Variants in IL6ST observed in about 807,000 individuals in gnomAD.
The protein encoded by IL6ST is interleukin-6 receptor subunit beta.
A neutral mutation model predicts 91.3 loss-of-function variants in IL6ST; 24 were observed. The observed-to-expected ratio is 0.26, with a 90% CI of 0.19 to 0.37. The LOEUF (loss-of-function observed/expected upper bound fraction) is 0.37, where lower values mean the gene tolerates loss of function less well. Among genes scored for constraint, IL6ST ranks in the 10% least tolerant of loss-of-function variants. IL6ST has a pLI of 1.00. For missense variants in IL6ST, 914 were observed against 1,078.5 expected, an observed-to-expected ratio of 0.85 and a Z score of 2.14; for synonymous variants, 351 against 373.6, an observed-to-expected ratio of 0.94 and a Z score of 0.70.
Position 55,938,509 on chromosome 5 carries a change from G to A in IL6ST, c.*2573C>T. 1 of 198,800 alleles carries A rather than the reference G, an allele frequency of 5.0e-6. No homozygotes were observed. The highest frequency in any genetic ancestry group is 1.0e-5 in the Non-Finnish European group (1 of 96,146). The allele number at this position is 198,800 out of a possible 1,614,324, so 12.3% of individuals were successfully genotyped here. A position where few individuals can be genotyped will look rare whatever the true frequency, so the allele number is the denominator to read the frequency against. ...TCATTATTTTATAACCCTAAAGGGA[G>A]CAACTGCAGGTGCAGAAGCAGTGAG... On this transcript the variant is annotated 3_prime_UTR_variant, in exon 17 of 17. Transcript: ENST00000381298.
chr5:55,993,027 C>A (rs1464122220), intron 1 of IL6ST, among the ~76,000 whole-genome samples: 1 of 152,188 alleles, frequency 6.6e-6, no homozygotes, highest in South Asian at 2.1e-4. Flanking sequence ...CAATAGGAAC[C>A]TCAACTCTGA....
intron 8 of IL6ST, among the ~76,000 whole-genome samples, chr5:55,959,220 C>T (rs182714772): frequency 3.5e-3 from 537 of 152,278 alleles, no homozygotes; most frequent in Non-Finnish European, 6.2e-3. Context: ...TTTAAGAATT[C>T]CTGGTCAAGA....
chr5:55,986,322 A>G (rs1033734435), intron 1 of IL6ST, among the ~76,000 whole-genome samples: 3 of 152,238 alleles, frequency 2.0e-5, no homozygotes, highest in Admixed American at 2.0e-4. Flanking sequence ...CCCTTTTATC[A>G]TTAGGAAATG....
At chr5:55,951,379 T>C in intron 14 of IL6ST, 85 bp downstream of exon 14, 1 of 1,049,254 alleles carries the variant, frequency 9.5e-7, no homozygotes, top group East Asian at 2.4e-5. Flanking sequence ...AGATGTACTT[T>C]TTAACACAAT....
At chr5:55,954,507 T>A (rs1257020072) in intron 11 of IL6ST, among the ~76,000 whole-genome samples, 1 of 152,240 alleles carries the variant, frequency 6.6e-6, no homozygotes, top group East Asian at 1.9e-4. Context: ...AACATATAAC[T>A]AATCAGCAGC....
rs1752868580 is a variant in IL6ST at position 55,969,965 on chromosome 5, C to T, written c.65-110G>A. On this transcript the variant is annotated intron_variant, in intron 3 of 16. Transcript: ENST00000381298. ...GTCCCTCAACCGTCACTAAAATATC[C>T]CTAAAGACACAGAAAAAGACAATAC... 3 of 624,950 alleles carry T rather than the reference C, an allele frequency of 4.8e-6. No homozygotes were observed. The Admixed American group carries it at 7.9e-5, about 16-fold the overall frequency. 38.7% of individuals were successfully genotyped at this position (624,950 alleles called of 1,614,324 possible).
Position 55,957,197 on chromosome 5 carries a change from G to T in IL6ST, c.1056+12C>A. On this transcript the variant is annotated intron_variant, in intron 9 of 16. Transcript: ENST00000381298. Reference sequence around the variant, plus strand: ...GATTTATAAGAGATAAAATATAAATGTGATTTTTTACCTTCCACACGAGTT... The same window carrying T: ...GATTTATAAGAGATAAAATATAAATTTGATTTTTTACCTTCCACACGAGTT... 30 of 1,234,790 alleles carry T rather than the reference G, an allele frequency of 2.4e-5. No homozygotes were observed. The highest frequency in any genetic ancestry group is 3.0e-5 in the Non-Finnish European group (26 of 872,234). 76.5% of individuals were successfully genotyped at this position (1,234,790 alleles called of 1,614,324 possible).
chr5:55,970,530 CA>C (rs1183899624), intron 3 of IL6ST, among the ~76,000 whole-genome samples: 5 of 151,584 alleles, frequency 3.3e-5, no homozygotes, highest in Non-Finnish European at 7.4e-5. Context: ...GTACTAAAAA[CA>C]AAAAAAATTA....
At chr5:55,942,238 T>G (rs1750966202) in intron 16 of IL6ST, among the ~76,000 whole-genome samples, 1 of 152,218 alleles carries the variant, frequency 6.6e-6, no homozygotes. Context: ...TTGGGGCATA[T>G]TTAAAATTCA....
chr5:55,951,402 A>G, intron 14 of IL6ST, 62 bp downstream of exon 14: 1 of 1,286,352 alleles, frequency 7.8e-7, no homozygotes, highest in Non-Finnish European at 1.1e-6. Context: ...TAGCACATAA[A>G]CTAAGTTCAT....
chr5:55,989,176 T>C (rs148418217), intron 1 of IL6ST, among the ~76,000 whole-genome samples: 16 of 143,596 alleles, frequency 1.1e-4, no homozygotes, highest in African/African-American at 4.2e-4. Context: ...AAAAGGGCAG[T>C]CTAAAGGTAA....
At chr5:55,963,145 T>TA (rs908877939) in intron 7 of IL6ST, among the ~76,000 whole-genome samples, 1 of 152,048 alleles carries the variant, frequency 6.6e-6, no homozygotes, top group African/African-American at 2.4e-5. Flanking sequence ...ATGTTTTACT[T>TA]AAAGGCTACT....
intron 1 of IL6ST, among the ~76,000 whole-genome samples, chr5:55,991,626 A>C (rs1754334509): frequency 6.9e-6 from 1 of 145,688 alleles, no homozygotes; most frequent in Non-Finnish European, 1.5e-5. Context: ...CTTCTCCTCA[A>C]CAGCTTTTTA....
At chr5:55,941,882 C>T in intron 16 of IL6ST, 63 bp from the exon 17 acceptor site, 1 of 1,373,908 alleles carries the variant, frequency 7.3e-7, no homozygotes, top group Non-Finnish European at 1.0e-6. Flanking sequence ...TAATGCATCT[C>T]TGAAACTTCC....
At chr5:55,968,116 C>G (rs112102292) in intron 5 of IL6ST, among the ~76,000 whole-genome samples, 160 bp downstream of exon 5, 2 of 152,142 alleles carry the variant, frequency 1.3e-5, no homozygotes, top group African/African-American at 4.8e-5. Context: ...CATGAGCCAC[C>G]GCGCCTGGCC....
chr5:55,994,261 G>T (rs1235115320), intron 1 of IL6ST: 2 of 151,762 alleles, frequency 1.3e-5, no homozygotes, highest in Non-Finnish European at 1.5e-5. Context: ...GAATTCGTTA[G>T]GAATGATAAT....
intron 3 of IL6ST, among the ~76,000 whole-genome samples, chr5:55,975,754 T>C (rs560142094): frequency 8.8e-4 from 134 of 152,256 alleles, no homozygotes; most frequent in Middle Eastern, 3.4e-3. Flanking sequence ...CCAGATCCTA[T>C]AGAATGATTA....
At chr5:55,980,148 TGA>T (rs1421053400) in intron 2 of IL6ST, among the ~76,000 whole-genome samples, 1 of 152,232 alleles carries the variant, frequency 6.6e-6, no homozygotes, top group Admixed American at 6.5e-5. Context: ...ACAGGGTATT[TGA>T]GAGATCAGGG....
At chr5:55,967,187 G>GT (rs1385391861) in intron 5 of IL6ST, among the ~76,000 whole-genome samples, 2 of 151,466 alleles carry the variant, frequency 1.3e-5, no homozygotes, top group African/African-American at 4.9e-5. Flanking sequence ...GCACATGCCT[G>GT]TAATCCCAGC....
Sources: gnomAD v4.1 joint callset for allele counts (sites outside exome capture counted in the v4.1 genomes callset) on GRCh38, gnomAD v4.1.1 for gene constraint, MANE v1.5 for transcripts, NCBI Gene and HGNC (gene_info 2026-07-23, HGNC 2026-07-21) for gene names.